Variants in NCOA2 observed in about 807,000 individuals in gnomAD.
NCOA2 encodes the protein nuclear receptor coactivator 2, also known as class E basic helix-loop-helix protein 75.
In NCOA2, 21 loss-of-function variants were observed where a neutral mutation model predicts 145.1. The observed-to-expected ratio is 0.14, with a 90% confidence interval of 0.10 to 0.21. The LOEUF (loss-of-function observed/expected upper bound fraction) is 0.21. Ranked by LOEUF, NCOA2 falls within the 10% of genes least tolerant of loss-of-function variation. The pLI, the probability that NCOA2 is intolerant of heterozygous loss-of-function variation, is 1.00. For synonymous variants in NCOA2, 619 were observed against 637.5 expected, an observed-to-expected ratio of 0.97 and a Z score of 0.44; for missense variants, 1,472 against 1,837.6, an observed-to-expected ratio of 0.80 and a Z score of 3.64.
chr8:70,451,279 G>A, the NCOA2 span, among the ~76,000 whole-genome samples: 9 of 139,132 alleles, frequency 6.5e-5, no homozygotes, highest in Non-Finnish European at 4.6e-5. Flanking sequence ...ATGGCAGCAC[G>A]CACCTGTAGT....
At chr8:70,258,465 T>A (rs891534009) in intron 2 of NCOA2, among the ~76,000 whole-genome samples, 3 of 151,624 alleles carry the variant, frequency 2.0e-5, no homozygotes, top group East Asian at 1.9e-4. Context: ...TTATCTGCTA[T>A]TTTTTTTTCC....
chr8:70,174,026 A>C (rs1391638189), intron 5 of NCOA2, among the ~76,000 whole-genome samples: 1 of 152,146 alleles, frequency 6.6e-6, no homozygotes, highest in African/African-American at 2.4e-5. Context: ...GAACTGACAT[A>C]ATTTATGTCT....
the NCOA2 span, among the ~76,000 whole-genome samples, chr8:70,412,215 A>T: frequency 6.6e-6 from 1 of 152,248 alleles, no homozygotes; most frequent in Middle Eastern, 3.4e-3. Context: ...TTCAAGCAGC[A>T]GTGAGCTATG....
chr8:70,309,070 G>T (rs1046454484), intron 1 of NCOA2, among the ~76,000 whole-genome samples: 2 of 152,154 alleles, frequency 1.3e-5, no homozygotes, highest in Non-Finnish European at 2.9e-5. Context: ...TGCTACGTAT[G>T]TATGACTGCC....
At chr8:70,442,956 G>A in the NCOA2 span, among the ~76,000 whole-genome samples, 4 of 152,106 alleles carry the variant, frequency 2.6e-5, no homozygotes, top group African/African-American at 9.7e-5. Context: ...AGACACTTAC[G>A]GGTAAGCATC....
chr8:70,181,622 C>G (rs556928074), intron 4 of NCOA2, among the ~76,000 whole-genome samples: 5 of 152,288 alleles, frequency 3.3e-5, no homozygotes, highest in African/African-American at 1.2e-4. Flanking sequence ...GATAGAATCT[C>G]TGACTAAAAT....
intron 1 of NCOA2, among the ~76,000 whole-genome samples, chr8:70,360,470 T>C (rs1232902999): frequency 1.3e-5 from 2 of 152,130 alleles, no homozygotes; most frequent in African/African-American, 4.8e-5. Context: ...ATTTAAAGGG[T>C]AGTTAATTAC....
At chr8:70,125,399 C>T (rs931414221) in intron 19 of NCOA2, among the ~76,000 whole-genome samples, 4 of 152,226 alleles carry the variant, frequency 2.6e-5, no homozygotes, top group African/African-American at 9.6e-5. Context: ...GTAGCTGGGA[C>T]TACAGGCATG....
intron 4 of NCOA2, among the ~76,000 whole-genome samples, chr8:70,191,913 C>A (rs542183521): frequency 6.6e-6 from 1 of 152,086 alleles, no homozygotes; most frequent in South Asian, 2.1e-4. Flanking sequence ...TGGTGGAAGG[C>A]GCCTGTAATC....
At chr8:70,220,856 A>G (rs1483870945) in intron 2 of NCOA2, among the ~76,000 whole-genome samples, 3 of 152,226 alleles carry the variant, frequency 2.0e-5, no homozygotes, top group African/African-American at 4.8e-5. Flanking sequence ...CAGATGCATT[A>G]TATACAGAAC....
chr8:70,131,354 C>T (rs772703237), intron 16 of NCOA2, among the ~76,000 whole-genome samples: 7 of 152,186 alleles, frequency 4.6e-5, no homozygotes, highest in Non-Finnish European at 8.8e-5. Flanking sequence ...AGAGTTGCAG[C>T]TACCTGTAAA....
At chr8:70,331,867 T>C (rs1336605957) in intron 1 of NCOA2, among the ~76,000 whole-genome samples, 1 of 152,120 alleles carries the variant, frequency 6.6e-6, no homozygotes, top group Non-Finnish European at 1.5e-5. Flanking sequence ...TTCACATACA[T>C]AGACAAACTA....
At chr8:70,348,836 G>C (rs1808910391) in intron 1 of NCOA2, among the ~76,000 whole-genome samples, 1 of 152,144 alleles carries the variant, frequency 6.6e-6, no homozygotes, top group African/African-American at 2.4e-5. Flanking sequence ...TACCCAGGGA[G>C]AAATGTCAAG....
the NCOA2 span, among the ~76,000 whole-genome samples, chr8:70,436,065 TA>T: frequency 6.6e-6 from 1 of 152,240 alleles, no homozygotes; most frequent in South Asian, 2.1e-4. Flanking sequence ...CTGTGTTTAA[TA>T]AAGCCATATT....
Position 70,394,418 on chromosome 8 carries a change from G to A in NCOA2, c.-77+9282C>T, listed in dbSNP as rs138795877. 7.5e-3 allele frequency among the ~76,000 whole-genome samples: 1,146 copies of A among 152,338 alleles called. 8 individuals carry two copies. The highest frequency in any genetic ancestry group is 0.024 in the Middle Eastern group (7 of 294). ...GATCCGCCCACCTCGGCCTCCCAAAGTGCTGGGATTACACGCGTGAGTCAC... is the reference window on the plus strand; with the variant it reads ...GATCCGCCCACCTCGGCCTCCCAAAATGCTGGGATTACACGCGTGAGTCAC... On this transcript the variant is annotated intron_variant, in intron 1 of 22. Transcript: ENST00000452400.
At chr8:70,117,710 C>T (rs971457276) in intron 22 of NCOA2, among the ~76,000 whole-genome samples, 3 of 152,302 alleles carry the variant, frequency 2.0e-5, no homozygotes, top group Non-Finnish European at 4.4e-5. Flanking sequence ...TGGGGTCAGC[C>T]GGCCTGGATT....
Position 70,128,987 on chromosome 8 carries a change from A to G in NCOA2, c.3325-7T>C. 1 of 1,586,094 alleles carries G rather than the reference A, an allele frequency of 6.3e-7. No individual in the cohort carries two copies. The highest frequency in any genetic ancestry group is 2.3e-5 in the East Asian group (1 of 43,920). Reference sequence around the variant, plus strand: ...CTGGATCTACTGCTTGGCTCTGGAGAGAAAGTCCCAAATAACAAACAAATA... The same window carrying G: ...CTGGATCTACTGCTTGGCTCTGGAGGGAAAGTCCCAAATAACAAACAAATA... On this transcript the variant is annotated splice_region_variant and splice_polypyrimidine_tract_variant and intron_variant, in intron 16 of 22. Coordinates refer to ENST00000452400, the MANE Select transcript of NCOA2 (RefSeq NM_006540.4).
intron 13 of NCOA2, among the ~76,000 whole-genome samples, chr8:70,142,024 GAC>G (rs1210749996): frequency 6.6e-6 from 1 of 152,160 alleles, no homozygotes; most frequent in Non-Finnish European, 1.5e-5. Context: ...AATGGGTTAG[GAC>G]AGATTTGTAA....
At position 70,156,200 on chromosome 8, in the gene NCOA2, G is replaced by A. The variant is rs1257939457; in HGVS notation, c.2165C>T (p.Thr722Ile). ...GKDLSQESSSTAPGSEVTIKQ... is the reference protein window; with the variant it reads ...GKDLSQESSSIAPGSEVTIKQ... ...AATAGTCACTTCTGATCCAGGAGCT[G>A]TGCTGCTGGACTCCTGGCTCAGGTC... The change falls in exon 11 of 23, where the codon ACA (threonine) becomes ATA (isoleucine). Residue 722 changes from threonine (T) to isoleucine (I), a missense_variant. This residue lies in a region of NCOA2 where 953 missense variants were observed against 1,062.1 expected (regional missense o/e 0.90). Coordinates refer to ENST00000452400, the MANE Select transcript of NCOA2 (RefSeq NM_006540.4). The A allele has an allele frequency of 1.9e-6, 3 of 1,613,796 alleles. No individual in the cohort carries two copies. Among genetic ancestry groups the A allele is most frequent in the East Asian group, 2.2e-5 (1 of 44,888 alleles).
Sources: gnomAD v4.1 joint callset for allele counts (sites outside exome capture counted in the v4.1 genomes callset) on GRCh38, gnomAD v4.1.1 for gene constraint, gnomAD v4.1.1 regional missense constraint, MANE v1.5 for transcripts, NCBI Gene and HGNC (gene_info 2026-07-23, HGNC 2026-07-21) for gene names.